The following IL12RB1 variants were observed in gnomAD, a reference collection of about 807,000 sequenced individuals.
IL12RB1 encodes interleukin-12 receptor subunit beta-1.
Under a neutral mutation model 94.4 loss-of-function variants are expected in IL12RB1, and 64 were observed. That is an observed-to-expected ratio of 0.68 (90% CI 0.55 to 0.83). IL12RB1 has a LOEUF of 0.83. Among genes scored for constraint, IL12RB1 ranks in the 40% least tolerant of loss-of-function variants. The pLI is 0.00. For missense variants in IL12RB1, 814 were observed against 855.6 expected (o/e 0.95, Z 0.61); for synonymous variants, 362 against 355.5 (o/e 1.02, Z -0.21).
In IL12RB1 at chr19:18,066,582, A is replaced by G. The variant is rs1310166928; in HGVS notation, c.1443T>C (p.Tyr481=). The G allele has an allele frequency of 6.2e-7, 1 of 1,613,468 alleles. No individual in the cohort carries two copies. Among genetic ancestry groups the G allele is most frequent in the Non-Finnish European group, 8.5e-7 (1 of 1,179,738 alleles). ...LSTCPGVLKE[Y]VVRCRDEDSK... ...TGTCTTCATCTCGGCAGCGGACAACATACTCCTTTAGGACGCCGGGACAGG... is the reference window on the plus strand; with the variant it reads ...TGTCTTCATCTCGGCAGCGGACAACGTACTCCTTTAGGACGCCGGGACAGG... Residue 481 remains tyrosine, a synonymous_variant, in exon 12 of 17, where the codon TAT becomes TAC. Transcript: ENST00000593993.
At chr19:18,091,868 C>CTTTTTTTTTTTT (rs1264996682), upstream of IL12RB1, among the ~76,000 whole-genome samples, 1 of 120,492 alleles carries the variant, frequency 8.3e-6, no homozygotes. Context: ...CCTGGCTTTT[C>CTTTTTTTTTTTT]TTTTTTTTTT....
At chr19:18,067,741 T>G (rs1467519387) in intron 11 of IL12RB1, among the ~76,000 whole-genome samples, 5 of 152,196 alleles carry the variant, frequency 3.3e-5, no homozygotes, top group Non-Finnish European at 7.3e-5. Context: ...AGGCAGAGGT[T>G]GTATGATTGC....
intron 5 of IL12RB1, 21 bp downstream of exon 5, chr19:18,077,495 G>C (rs559824918): frequency 1.3e-6 from 2 of 1,596,688 alleles, no homozygotes; most frequent in South Asian, 2.2e-5. Flanking sequence ...TGTCCACCCT[G>C]GACTTGGGAA....
chr19:18,085,985 G>C (rs1422698181), intron 1 of IL12RB1, among the ~76,000 whole-genome samples: 1 of 151,750 alleles, frequency 6.6e-6, no homozygotes, highest in Non-Finnish European at 1.5e-5. Flanking sequence ...GGAGGCCAAG[G>C]TGAGTGGATC....
chr19:18,061,412 G>A (rs2034118951), intron 14 of IL12RB1, among the ~76,000 whole-genome samples: 1 of 152,086 alleles, frequency 6.6e-6, no homozygotes, highest in Non-Finnish European at 1.5e-5. Context: ...TGTAGTTTTG[G>A]TAGAGAGAGG....
chr19:18,077,965 C>A (rs538625760), intron 4 of IL12RB1, among the ~76,000 whole-genome samples: 12 of 152,216 alleles, frequency 7.9e-5, no homozygotes, highest in African/African-American at 2.9e-4. Context: ...AAAAATTAGC[C>A]AGGCATGGTA....
At chr19:18,064,163 G>A (rs1200427843) in intron 12 of IL12RB1, among the ~76,000 whole-genome samples, 153 bp from the exon 13 acceptor site, 11 of 122,650 alleles carry the variant, frequency 9.0e-5, no homozygotes, top group African/African-American at 2.9e-4. Context: ...TTTTTGAGAC[G>A]GAGTCTTGCT....
rs1292135452 is a variant in IL12RB1 at position 18,063,891 on chromosome 19, G to A, written c.1603C>T (p.Gln535Ter). 1 of 1,613,366 alleles carries A rather than the reference G, an allele frequency of 6.2e-7. No homozygotes were observed. The highest frequency in any genetic ancestry group is 1.7e-5 in the Admixed American group (1 of 59,946). ...AWLRGVWSQP[Q>*]RFSIEVQVSD... is the part of the protein sequence containing the mutation. ...CTCCACTCACCGATGCTGAAGCGCT[G>A]GGGCTGGCTCCAGACACCCCTCAGC... The change falls in exon 13 of 17, where the codon CAG becomes TAG. Residue 535 changes from glutamine to a stop codon, truncating the protein, a stop_gained. Transcript: ENST00000593993. LOFTEE classifies it high-confidence loss of function.
intron 2 of IL12RB1, among the ~76,000 whole-genome samples, chr19:18,082,816 C>A (rs1216027455): frequency 6.6e-6 from 1 of 152,142 alleles, no homozygotes; most frequent in Admixed American, 6.6e-5. Flanking sequence ...GTGGCTCATT[C>A]CTGGAATCCC....
chr19:18,087,011 G>A (rs529423494), upstream of IL12RB1: 17 of 1,283,802 alleles, frequency 1.3e-5, no homozygotes, highest in African/African-American at 1.8e-4. Context: ...GAGAAACCCA[G>A]GAAGTCAGCT....
intron 1 of IL12RB1, among the ~76,000 whole-genome samples, chr19:18,095,330 A>G (rs1223879891): frequency 1.3e-5 from 2 of 152,186 alleles, no homozygotes; most frequent in Non-Finnish European, 2.9e-5. Flanking sequence ...CATATATACA[A>G]TGGAATATTA....
intron 9 of IL12RB1, 121 bp from the exon 10 acceptor site, chr19:18,069,834 G>A: frequency 1.3e-6 from 1 of 762,520 alleles, no homozygotes. Context: ...ACAGGGCCAG[G>A]GGTGTCTGTG....
chr19:18,090,297 A>T (rs549871652), upstream of IL12RB1, among the ~76,000 whole-genome samples: 8 of 152,208 alleles, frequency 5.3e-5, no homozygotes, highest in East Asian at 1.4e-3. Flanking sequence ...GTGAGCTCTA[A>T]TTGCGCCACT....
chr19:18,082,711 T>C (rs2036000656), intron 2 of IL12RB1, among the ~76,000 whole-genome samples: 1 of 152,206 alleles, frequency 6.6e-6, no homozygotes, highest in Non-Finnish European at 1.5e-5. Flanking sequence ...TAAATCGTTA[T>C]CAAACAAAAG....
At chr19:18,070,667 G>A (rs1360738802) in intron 9 of IL12RB1, 5 of 310,004 alleles carry the variant, frequency 1.6e-5, no homozygotes, top group East Asian at 1.7e-4. Flanking sequence ...GGCTGGGTAC[G>A]GTGGCTCACG....
rs2033949511 is a variant in IL12RB1 at position 18,059,270 on chromosome 19, T to A, written c.*338A>T. On this transcript the variant is annotated 3_prime_UTR_variant, in exon 17 of 17. Coordinates refer to ENST00000593993, the MANE Select transcript of IL12RB1 (RefSeq NM_005535.3). ...CTGCAGGGAGCCCTTGAGTCCAGACTCCCCATCCAGTGCTCCTGGGGGTGG... is the reference window on the plus strand; with the variant it reads ...CTGCAGGGAGCCCTTGAGTCCAGACACCCCATCCAGTGCTCCTGGGGGTGG... 4 of 441,674 alleles carry A rather than the reference T, an allele frequency of 9.1e-6. No individual in the cohort carries two copies. The highest frequency in any genetic ancestry group is 1.7e-5 in the Non-Finnish European group (4 of 238,504). 27.4% of individuals were successfully genotyped at this position (441,674 alleles called of 1,614,324 possible). A position where few individuals can be genotyped will look rare whatever the true frequency, so the allele number is the denominator to read the frequency against.
At chr19:18,085,638 C>T (rs1174298614) in intron 1 of IL12RB1, among the ~76,000 whole-genome samples, 1 of 151,954 alleles carries the variant, frequency 6.6e-6, no homozygotes, top group African/African-American at 2.4e-5. Context: ...GAGATAGAGT[C>T]TTGCTCTGCC....
intron 14 of IL12RB1, 51 bp downstream of exon 14, chr19:18,062,130 C>A: frequency 7.9e-7 from 1 of 1,270,670 alleles, no homozygotes; most frequent in South Asian, 1.2e-5. Context: ...TAGGGCTCCC[C>A]TGCCCAGCAT....
chr19:18,069,259 G>A (rs1365892958), intron 10 of IL12RB1, among the ~76,000 whole-genome samples: 1 of 152,202 alleles, frequency 6.6e-6, no homozygotes, highest in Non-Finnish European at 1.5e-5. Context: ...ACCTTCCCTG[G>A]CGCGGTTGAA....
Sources: gnomAD v4.1 joint callset for allele counts (sites outside exome capture counted in the v4.1 genomes callset) on GRCh38, gnomAD v4.1.1 for gene constraint, MANE v1.5 for transcripts, NCBI Gene and HGNC (gene_info 2026-07-23, HGNC 2026-07-21) for gene names.